RALGPS1: variants seen among roughly 807,000 people sequenced by gnomAD.
RALGPS1 encodes the protein Ral GEF with PH domain and SH3 binding motif 1.
In RALGPS1, 19 loss-of-function variants were observed where a neutral mutation model predicts 78.8. The ratio of observed to expected loss-of-function variants is 0.24; its 90% CI spans 0.17 to 0.35. The LOEUF (loss-of-function observed/expected upper bound fraction) is 0.35, where lower values mean the gene tolerates loss of function less well. RALGPS1 is among the 10% of genes least tolerant of loss of function. The pLI, the probability that RALGPS1 is intolerant of heterozygous loss-of-function variation, is 1.00. For missense variants in RALGPS1, 454 were observed against 688.3 expected (o/e 0.66, Z 3.81); for synonymous variants, 228 against 256.3 (o/e 0.89, Z 1.06).
chr9:126,993,240 A>G (rs1290318983), intron 4 of RALGPS1, among the ~76,000 whole-genome samples: 1 of 152,162 alleles, frequency 6.6e-6, no homozygotes, highest in Non-Finnish European at 1.5e-5. Context: ...AGTTATGATG[A>G]ATTAATTATC....
At chr9:127,057,787 G>T (rs1021232826) in intron 7 of RALGPS1, among the ~76,000 whole-genome samples, 1 of 152,186 alleles carries the variant, frequency 6.6e-6, no homozygotes, top group Non-Finnish European at 1.5e-5. Context: ...CATAGTCAAG[G>T]CCCCTGTCCT....
At chr9:127,004,163 GA>G (rs1176678468) in intron 4 of RALGPS1, among the ~76,000 whole-genome samples, 2 of 148,638 alleles carry the variant, frequency 1.3e-5, no homozygotes, top group Admixed American at 1.3e-4. Flanking sequence ...TTCCTTTTTT[GA>G]GATGGAGTTT....
intron 4 of RALGPS1, among the ~76,000 whole-genome samples, chr9:127,025,387 T>C (rs2045880550): frequency 6.6e-6 from 1 of 152,180 alleles, no homozygotes; most frequent in Non-Finnish European, 1.5e-5. Context: ...TGGACATATA[T>C]TGGTATTGGG....
At chr9:127,102,313 C>G (rs1277459901) in intron 8 of RALGPS1, among the ~76,000 whole-genome samples, 1 of 139,722 alleles carries the variant, frequency 7.2e-6, no homozygotes, top group Admixed American at 7.7e-5. Context: ...TTGTATGAGG[C>G]TAACTTAATA....
At chr9:127,177,896 G>T in intron 11 of RALGPS1, 1 of 1,549,420 alleles carries the variant, frequency 6.5e-7, no homozygotes, top group Non-Finnish European at 8.7e-7. Context: ...TTGTTTATTA[G>T]CCATGTGAGA....
At chr9:127,060,324 C>T (rs2049098037) in intron 7 of RALGPS1, among the ~76,000 whole-genome samples, 1 of 152,160 alleles carries the variant, frequency 6.6e-6, no homozygotes, top group African/African-American at 2.4e-5. Context: ...TACATATGAC[C>T]TGCATTTGTG....
intron 4 of RALGPS1, 44 bp from the exon 5 acceptor site, chr9:127,034,387 A>T (rs1428685588): frequency 1.9e-6 from 3 of 1,562,880 alleles, no homozygotes; most frequent in Non-Finnish European, 2.6e-6. Flanking sequence ...TGTATTTTGC[A>T]TCCCAACTAG....
intron 11 of RALGPS1, among the ~76,000 whole-genome samples, chr9:127,191,855 G>C (rs559831710): frequency 1.3e-4 from 19 of 151,906 alleles, no homozygotes; most frequent in African/African-American, 4.6e-4. Flanking sequence ...CTGCCACCAC[G>C]CCCGGCTAAT....
intron 18 of RALGPS1, 59 bp downstream of exon 18, chr9:127,214,901 A>AGG: frequency 6.2e-7 from 1 of 1,603,198 alleles, no homozygotes; most frequent in Admixed American, 1.8e-5. Flanking sequence ...CTTGGAACTA[A>AGG]GGGTCTTTAG....
At chr9:127,114,631 A>G (rs568348266) in intron 8 of RALGPS1, among the ~76,000 whole-genome samples, 1 of 152,258 alleles carries the variant, frequency 6.6e-6, no homozygotes, top group East Asian at 1.9e-4. Context: ...CCACCCCCTC[A>G]CCACCCGTCC....
At chr9:127,050,224 C>A (rs1289167024) in intron 6 of RALGPS1, 92 bp downstream of exon 6, 5 of 1,090,862 alleles carry the variant, frequency 4.6e-6, no homozygotes, top group Non-Finnish European at 6.9e-6. Context: ...TTGGGAGCTG[C>A]TTTGCTGTGG....
At position 127,122,640 on chromosome 9, in the gene RALGPS1, C is replaced by G. The variant is rs1033910409; in HGVS notation, c.611-43429C>G. On this transcript the variant is annotated intron_variant, in intron 8 of 18. Coordinates refer to ENST00000259351, the MANE Select transcript of RALGPS1 (RefSeq NM_014636.3). This position sits in a 1 kb window ranked among gnomAD's most constrained non-coding sequence, Gnocchi z 6.4. ...CGTCCGCAGCAGCCTCATTTGAACTCCCAACTCCTTTGTGGAGCCTTTACA... is the reference window on the plus strand; with the variant it reads ...CGTCCGCAGCAGCCTCATTTGAACTGCCAACTCCTTTGTGGAGCCTTTACA... 1 of 152,780 alleles carries G rather than the reference C, an allele frequency of 6.5e-6. No homozygotes were observed. Among genetic ancestry groups the G allele is most frequent in the African/African-American group, 2.4e-5 (1 of 41,468 alleles). The allele number at this position is 152,780 out of a possible 1,614,324, so 9.5% of individuals were successfully genotyped here. A position where few individuals can be genotyped will look rare whatever the true frequency, so the allele number is the denominator to read the frequency against.
intron 3 of RALGPS1, among the ~76,000 whole-genome samples, chr9:126,974,122 C>G (rs1304843561): frequency 6.6e-6 from 1 of 152,216 alleles, no homozygotes; most frequent in Non-Finnish European, 1.5e-5. Flanking sequence ...GATCCGCCAG[C>G]TTCAGCCTCC....
intron 1 of RALGPS1, among the ~76,000 whole-genome samples, chr9:126,935,667 T>G (rs1291015043): frequency 6.6e-6 from 1 of 152,234 alleles, no homozygotes; most frequent in Non-Finnish European, 1.5e-5. Context: ...TCCAAAACTT[T>G]ATGTATCAGT....
intron 11 of RALGPS1, among the ~76,000 whole-genome samples, chr9:127,179,139 A>C (rs1378580432): frequency 6.6e-6 from 1 of 152,224 alleles, no homozygotes; most frequent in Non-Finnish European, 1.5e-5. Context: ...ACAGCAGAGC[A>C]AGCCCCAGCT....
chr9:126,929,454 A>AT (rs1222796955), intron 1 of RALGPS1, among the ~76,000 whole-genome samples: 1 of 152,004 alleles, frequency 6.6e-6, no homozygotes, highest in Non-Finnish European at 1.5e-5. Flanking sequence ...AATTTTCTTT[A>AT]TTTTTTTATT....
intron 11 of RALGPS1, chr9:127,177,837 A>G: frequency 6.5e-7 from 1 of 1,546,016 alleles, no homozygotes; most frequent in Non-Finnish European, 8.7e-7. Flanking sequence ...CAGCCTCCTC[A>G]GGTACAGCCT....
chr9:127,081,069 T>C (rs1372753891), intron 8 of RALGPS1, among the ~76,000 whole-genome samples: 1 of 152,232 alleles, frequency 6.6e-6, no homozygotes, highest in African/African-American at 2.4e-5. Context: ...GCAAAAACTC[T>C]TTGCAACTTT....
chr9:127,093,687 G>A, intron 8 of RALGPS1: 1 of 1,603,232 alleles, frequency 6.2e-7, no homozygotes, highest in Non-Finnish European at 8.5e-7. Flanking sequence ...CTTGGGGTGG[G>A]CCAGTCACCT....
Sources: gnomAD v4.1 joint callset for allele counts (sites outside exome capture counted in the v4.1 genomes callset) on GRCh38, gnomAD v4.1.1 for gene constraint, Gnocchi (gnomAD v3.1) non-coding constraint, MANE v1.5 for transcripts, NCBI Gene and HGNC (gene_info 2026-07-23, HGNC 2026-07-21) for gene names.